The following SYN3 variants were observed in gnomAD, a reference collection of about 807,000 sequenced individuals.
The protein encoded by SYN3 is synapsin-3.
SYN3 carries 35 observed loss-of-function variants against 65.8 expected under a neutral mutation model. The observed-to-expected ratio is 0.53, with a 90% CI of 0.41 to 0.70. The LOEUF is 0.70. Ranked by LOEUF, SYN3 falls within the 30% of genes least tolerant of loss-of-function variation. The probability of loss-of-function intolerance (pLI) is 0.00; values close to 1 mark genes in which losing one functional copy is unlikely to be tolerated. For synonymous variants in SYN3, 270 were observed against 292.9 expected (o/e 0.92, Z 0.80); for missense variants, 680 against 749.0 (o/e 0.91, Z 1.08).
At chr22:32,601,965 T>C (rs1333304186) in intron 6 of SYN3, among the ~76,000 whole-genome samples, 1 of 151,662 alleles carries the variant, frequency 6.6e-6, no homozygotes, top group African/African-American at 2.4e-5. Flanking sequence ...TTTGTGACAC[T>C]TCTTTATTGA....
intron 10 of SYN3, 148 bp downstream of exon 10, chr22:32,533,645 C>T (rs2058113833): frequency 3.5e-6 from 2 of 568,536 alleles, no homozygotes; most frequent in Non-Finnish European, 6.4e-6. Flanking sequence ...GGGAAGGAGC[C>T]TCCAGAAGCA....
chr22:32,588,172 T>C (rs557786469), intron 7 of SYN3, among the ~76,000 whole-genome samples: 1 of 152,330 alleles, frequency 6.6e-6, no homozygotes, highest in Non-Finnish European at 1.5e-5. Flanking sequence ...AAGAATGGAA[T>C]GGGGCTGAAC....
chr22:32,666,789 T>A (rs2060295323), intron 6 of SYN3, among the ~76,000 whole-genome samples: 1 of 152,224 alleles, frequency 6.6e-6, no homozygotes, highest in South Asian at 2.1e-4. Context: ...TATTTGTCTG[T>A]CTTGATGTAT....
intron 9 of SYN3, among the ~76,000 whole-genome samples, chr22:32,537,604 A>C (rs1482399512): frequency 1.3e-5 from 2 of 152,172 alleles, no homozygotes; most frequent in African/African-American, 4.8e-5. Flanking sequence ...GACGCTTGAG[A>C]GAGAAGTGGA....
intron 7 of SYN3, among the ~76,000 whole-genome samples, chr22:32,565,951 A>G (rs2058667477): frequency 6.6e-6 from 1 of 151,976 alleles, no homozygotes; most frequent in African/African-American, 2.4e-5. Flanking sequence ...TGACCTGGTG[A>G]TCTGCCCGCC....
At chr22:32,802,216 G>A (rs2046607506) in intron 6 of SYN3, 4 of 1,487,962 alleles carry the variant, frequency 2.7e-6, no homozygotes, top group Admixed American at 2.1e-5. Flanking sequence ...CCTTTCCTCT[G>A]CCCCAGGAGA....
At chr22:32,569,917 G>A (rs1402611760) in intron 7 of SYN3, among the ~76,000 whole-genome samples, 1 of 152,120 alleles carries the variant, frequency 6.6e-6, no homozygotes, top group Non-Finnish European at 1.5e-5. Context: ...TTATCAAAAA[G>A]GTATCTAGAG....
rs1354916805 is a variant in SYN3 at position 32,509,449 on chromosome 22, T to A, written c.*4243A>T. Among the ~76,000 whole-genome samples the A allele has an allele frequency of 1.3e-5, 2 of 152,176 alleles. No homozygotes were observed. Among genetic ancestry groups the A allele is most frequent in the Non-Finnish European group, 1.5e-5 (1 of 68,028 alleles). On this transcript the variant is annotated 3_prime_UTR_variant, in exon 14 of 14. Transcript: ENST00000358763. ...AATGTCACAATTATTAAAGGTTACA[T>A]GTTTGGAAGGAACAGGTACTAGTCT...
At chr22:32,643,362 G>A (rs1250979608) in intron 6 of SYN3, among the ~76,000 whole-genome samples, 2 of 152,182 alleles carry the variant, frequency 1.3e-5, no homozygotes, top group Non-Finnish European at 2.9e-5. Flanking sequence ...ACAGGCGTGA[G>A]CCACTGCGCC....
At chr22:32,722,179 G>A (rs4821089) in intron 6 of SYN3, among the ~76,000 whole-genome samples, 29,437 of 151,970 alleles carry the variant, frequency 0.19, 3,833 homozygotes, top group East Asian at 0.6. Flanking sequence ...AGTTGATGAA[G>A]TATTTTCCCA....
At chr22:32,698,916 G>C (rs1041718216) in intron 6 of SYN3, among the ~76,000 whole-genome samples, 1 of 152,056 alleles carries the variant, frequency 6.6e-6, no homozygotes, top group African/African-American at 2.4e-5. Context: ...GTTCCAGGAT[G>C]GGGGGGTGAC....
At chr22:32,952,323 G>C (rs552238026) in intron 3 of SYN3, among the ~76,000 whole-genome samples, 1 of 151,694 alleles carries the variant, frequency 6.6e-6, no homozygotes, top group East Asian at 1.9e-4. Context: ...TGGACAGGCA[G>C]GGTGGGGAGG....
At chr22:32,858,610 G>C (rs554636122) in intron 6 of SYN3, among the ~76,000 whole-genome samples, 1 of 152,314 alleles carries the variant, frequency 6.6e-6, no homozygotes, top group Admixed American at 6.5e-5. Flanking sequence ...CCTGACCCAA[G>C]TATAGGGCCA....
At chr22:32,552,428 T>C (rs1350226469) in intron 7 of SYN3, among the ~76,000 whole-genome samples, 2 of 151,566 alleles carry the variant, frequency 1.3e-5, no homozygotes, top group South Asian at 2.1e-4. Flanking sequence ...TTCTTTTTTT[T>C]TTCTTTTTTT....
chr22:32,912,938 A>G (rs2050090565), intron 4 of SYN3, among the ~76,000 whole-genome samples: 1 of 152,258 alleles, frequency 6.6e-6, no homozygotes, highest in South Asian at 2.1e-4. Flanking sequence ...ACATTTGCCA[A>G]AGCCCATAGA....
intron 6 of SYN3, among the ~76,000 whole-genome samples, chr22:32,656,175 C>T (rs1229048921): frequency 1.3e-5 from 2 of 152,210 alleles, no homozygotes; most frequent in Non-Finnish European, 2.9e-5. Flanking sequence ...TCCTTCCATT[C>T]TGCAAATTTC....
intron 6 of SYN3, among the ~76,000 whole-genome samples, chr22:32,802,597 G>A (rs12169569): frequency 0.03 from 4,587 of 151,918 alleles, 247 homozygotes; most frequent in African/African-American, 0.11. Flanking sequence ...CATCTCCTGC[G>A]CCTATGAAAT....
intron 4 of SYN3, among the ~76,000 whole-genome samples, chr22:32,923,058 G>A (rs2050375427): frequency 6.6e-6 from 1 of 152,218 alleles, no homozygotes; most frequent in Non-Finnish European, 1.5e-5. Flanking sequence ...GATGCTGGCT[G>A]TGAGCTGGAG....
chr22:32,616,492 GGGCACT>G (rs2059522282), intron 6 of SYN3, among the ~76,000 whole-genome samples: 1 of 152,174 alleles, frequency 6.6e-6, no homozygotes, highest in Non-Finnish European at 1.5e-5. Flanking sequence ...CACAGACACA[GGGCACT>G]GAATCCACAC....
Sources: allele counts gnomAD v4.1 joint callset (sites outside exome capture counted in the v4.1 genomes callset), GRCh38; gene constraint gnomAD v4.1.1; transcripts MANE v1.5; gene names NCBI Gene and HGNC (gene_info 2026-07-23, HGNC 2026-07-21).